The following CSNK1G2 variants were observed in gnomAD, a reference collection of about 807,000 sequenced individuals.
The protein encoded by CSNK1G2 is casein kinase I isoform gamma-2.
In CSNK1G2, 11 loss-of-function variants were observed where a neutral mutation model predicts 48.0. The observed-to-expected ratio is 0.23, with a 90% CI of 0.14 to 0.38. The LOEUF is 0.38. Among genes scored for constraint, CSNK1G2 ranks in the 10% least tolerant of loss-of-function variants. The pLI is 1.00. For missense variants in CSNK1G2, 446 were observed against 595.5 expected (o/e 0.75, Z 2.61); for synonymous variants, 337 against 254.1 (o/e 1.33, Z -3.10).
chr19:1,947,676 G>C (rs2014611855), intron 1 of CSNK1G2, among the ~76,000 whole-genome samples: 1 of 152,230 alleles, frequency 6.6e-6, no homozygotes, highest in Non-Finnish European at 1.5e-5. Flanking sequence ...GCCACGTGCA[G>C]GCCAGCCAGA....
chr19:1,965,211 G>A (rs915988973), intron 1 of CSNK1G2, among the ~76,000 whole-genome samples: 20 of 149,628 alleles, frequency 1.3e-4, no homozygotes, highest in African/African-American at 3.7e-4. Context: ...GTGAAACCGC[G>A]TCTCTACTAA....
Position 1,969,722 on chromosome 19 carries a change from G to T in CSNK1G2, c.-51G>T. On this transcript the variant is annotated 5_prime_UTR_variant, in exon 2 of 12. Coordinates refer to ENST00000255641, the MANE Select transcript of CSNK1G2 (RefSeq NM_001319.7). ...AGACCTCAGGTTTCCAGAGACTTGG[G>T]ATTTGCACGGCAGCAGAGTCACCGT... 1.6e-6 allele frequency: 2 copies of T among 1,246,250 alleles called. No individual in the cohort carries two copies. Among genetic ancestry groups the T allele is most frequent in the Non-Finnish European group, 2.0e-6 (2 of 984,078 alleles). The allele number at this position is 1,246,250 out of a possible 1,614,324, so 77.2% of individuals were successfully genotyped here.
chr19:1,955,183 T>G (rs2014940330), intron 1 of CSNK1G2, among the ~76,000 whole-genome samples: 2 of 152,094 alleles, frequency 1.3e-5, no homozygotes, highest in South Asian at 4.1e-4. Flanking sequence ...CCTCGGAAGC[T>G]GCTGAGTCTT....
intron 1 of CSNK1G2, among the ~76,000 whole-genome samples, chr19:1,944,849 G>A (rs558028959): frequency 3.9e-5 from 6 of 152,340 alleles, no homozygotes; most frequent in African/African-American, 1.4e-4. Context: ...GCAAGCACCC[G>A]TCTGGCGGGC....
intron 1 of CSNK1G2, among the ~76,000 whole-genome samples, chr19:1,962,028 G>A (rs545396234): frequency 3.9e-5 from 6 of 152,232 alleles, no homozygotes; most frequent in South Asian, 2.1e-4. Context: ...CCAAAAACAC[G>A]CAAATTAAAA....
intron 1 of CSNK1G2, among the ~76,000 whole-genome samples, chr19:1,969,117 G>A (rs2015477167): frequency 6.6e-6 from 1 of 152,186 alleles, no homozygotes; most frequent in Non-Finnish European, 1.5e-5. Context: ...CTGTTGTGTG[G>A]CCCCTCTGTG....
chr19:1,973,924 GT>G (rs1255970613), intron 2 of CSNK1G2, among the ~76,000 whole-genome samples: 1 of 151,846 alleles, frequency 6.6e-6, no homozygotes, highest in African/African-American at 2.4e-5. Context: ...GTCTTGCTCT[GT>G]TGCCCAGGCT....
chr19:1,955,819 A>G (rs904606991), intron 1 of CSNK1G2, among the ~76,000 whole-genome samples: 1 of 152,140 alleles, frequency 6.6e-6, no homozygotes, highest in Non-Finnish European at 1.5e-5. Flanking sequence ...TCAGCTCTGC[A>G]GGGCACAGTG....
chr19:1,948,722 G>T (rs896467821), intron 1 of CSNK1G2, among the ~76,000 whole-genome samples: 1 of 152,162 alleles, frequency 6.6e-6, no homozygotes, highest in African/African-American at 2.4e-5. Flanking sequence ...GAGCAGGGTG[G>T]GGTTTAGGGC....
chr19:1,954,521 G>C (rs568952010), intron 1 of CSNK1G2: 1 of 153,598 alleles, frequency 6.5e-6, no homozygotes, highest in South Asian at 2.0e-4. Context: ...GCCTGCACCT[G>C]CCCAGCCCAG....
At chr19:1,977,097 A>G (rs1416077124) in intron 2 of CSNK1G2, among the ~76,000 whole-genome samples, 2 of 152,232 alleles carry the variant, frequency 1.3e-5, no homozygotes, top group Non-Finnish European at 2.9e-5. Context: ...CTGCAGACCC[A>G]ACACGGTGAC....
chr19:1,962,141 C>T (rs2015218530), intron 1 of CSNK1G2, among the ~76,000 whole-genome samples: 1 of 151,548 alleles, frequency 6.6e-6, no homozygotes, highest in African/African-American at 2.4e-5. Context: ...ACCATCCTGG[C>T]CAAGATGGTG....
At position 1,978,409 on chromosome 19, in the gene CSNK1G2, C is replaced by G. The variant is rs374624626; in HGVS notation, c.229-33C>G. The G allele has an allele frequency of 1.2e-5, 19 of 1,611,790 alleles. No homozygotes were observed. The highest frequency in any genetic ancestry group is 4.0e-5 in the African/African-American group (3 of 74,876). ...CCCCAGGGATTTCAGGGCAGCGACC[C>G]GGTCCCCTGGTGACTCGCTCTTGTG... On this transcript the variant is annotated intron_variant, in intron 3 of 11. Coordinates refer to ENST00000255641, the MANE Select transcript of CSNK1G2 (RefSeq NM_001319.7). The surrounding 1 kb of genome is among the most constrained non-coding windows in gnomAD (Gnocchi z 7.3).
At chr19:1,955,141 A>G (rs1367445831) in intron 1 of CSNK1G2, among the ~76,000 whole-genome samples, 1 of 152,022 alleles carries the variant, frequency 6.6e-6, no homozygotes, top group Non-Finnish European at 1.5e-5. Context: ...GCCCTGACCG[A>G]GTGGTGACCG....
In CSNK1G2 at chr19:1,970,023, G is replaced by A. The variant is rs1401615087; in HGVS notation, c.187+64G>A. 4.5e-5 allele frequency: 57 copies of A among 1,252,858 alleles called. No homozygotes were observed. In the East Asian group the frequency reaches 1.3e-3, roughly 28 times the overall value. 77.6% of individuals were successfully genotyped at this position (1,252,858 alleles called of 1,614,324 possible). ...GCTGGCAGGGCCGCCCCGAGTCACC[G>A]GAGCCTCTGGTGGGGCCGCCCGGGG... On this transcript the variant is annotated intron_variant, in intron 2 of 11. Coordinates refer to ENST00000255641, the MANE Select transcript of CSNK1G2 (RefSeq NM_001319.7).
intron 1 of CSNK1G2, among the ~76,000 whole-genome samples, chr19:1,943,904 G>T (rs1396082994): frequency 6.6e-6 from 1 of 152,228 alleles, no homozygotes; most frequent in African/African-American, 2.4e-5. Context: ...GTGGATGGAG[G>T]CAGCGCTGTG....
intron 1 of CSNK1G2, chr19:1,952,750 C>G (rs1042762666): frequency 9.9e-6 from 3 of 303,864 alleles, no homozygotes; most frequent in African/African-American, 7.1e-5. Context: ...TCGTGCGGGA[C>G]TGGATGGAGG....
chr19:1,976,572 G>A (rs1366298277), intron 2 of CSNK1G2, among the ~76,000 whole-genome samples: 1 of 152,216 alleles, frequency 6.6e-6, no homozygotes, highest in Non-Finnish European at 1.5e-5. Context: ...CAGGGCCCAG[G>A]TGGGACCCCA....
chr19:1,950,284 C>T (rs1031839193), intron 1 of CSNK1G2, among the ~76,000 whole-genome samples: 2 of 151,512 alleles, frequency 1.3e-5, no homozygotes, highest in Non-Finnish European at 2.9e-5. Flanking sequence ...GGACTACAGG[C>T]ACCCGCCACC....
Sources: allele counts gnomAD v4.1 joint callset (sites outside exome capture counted in the v4.1 genomes callset), GRCh38; gene constraint gnomAD v4.1.1; non-coding constraint Gnocchi (gnomAD v3.1); transcripts MANE v1.5; gene names NCBI Gene and HGNC (gene_info 2026-07-23, HGNC 2026-07-21).